Variants in SRD5A1 observed in about 807,000 individuals in gnomAD.
SRD5A1 encodes 3-oxo-5-alpha-steroid 4-dehydrogenase 1.
In SRD5A1, 22 loss-of-function variants were observed where a neutral mutation model predicts 28.2. The ratio of observed to expected loss-of-function variants is 0.78; its 90% CI spans 0.56 to 1.12. The LOEUF is 1.12. SRD5A1 is among the 50% of genes most tolerant of loss of function. The pLI, the probability that SRD5A1 is intolerant of heterozygous loss-of-function variation, is 0.00. For synonymous variants in SRD5A1, 151 were observed against 135.0 expected, an observed-to-expected ratio of 1.12 and a Z score of -0.82; for missense variants, 300 against 346.7, an observed-to-expected ratio of 0.87 and a Z score of 1.07.
In SRD5A1 at chr5:6,670,224, TAA is replaced by T. The variant is rs1489116933; in HGVS notation, c.*1958_*1959del. The T allele has an allele frequency of 6.6e-6, 1 of 152,072 alleles. No homozygotes were observed. The highest frequency in any genetic ancestry group is 2.4e-5 in the African/African-American group (1 of 41,376). The allele number at this position is 152,072 out of a possible 1,614,324, so 9.4% of individuals were successfully genotyped here. A position where few individuals can be genotyped will look rare whatever the true frequency, so the allele number is the denominator to read the frequency against. Reference sequence around the variant, plus strand: ...AGGTGTTGGCATCCCAGGAAAAAAATAAAGTCTCCACATTTTGGCCTATAGGG... The same window carrying T: ...AGGTGTTGGCATCCCAGGAAAAAAATAGTCTCCACATTTTGGCCTATAGGG... On this transcript the variant is annotated 3_prime_UTR_variant, in exon 5 of 5. Coordinates refer to ENST00000274192, the MANE Select transcript of SRD5A1 (RefSeq NM_001047.4).
chr5:6,655,792 G>C (rs1738814622), intron 2 of SRD5A1, among the ~76,000 whole-genome samples: 1 of 152,194 alleles, frequency 6.6e-6, no homozygotes, highest in African/African-American at 2.4e-5. Context: ...GTGTGCCCAA[G>C]TCAGATTTCT....
At chr5:6,640,177 GC>G (rs1738319203) in intron 1 of SRD5A1, among the ~76,000 whole-genome samples, 1 of 152,094 alleles carries the variant, frequency 6.6e-6, no homozygotes, top group Non-Finnish European at 1.5e-5. Flanking sequence ...ATGTTCTCTG[GC>G]CATGTCACCA....
intron 2 of SRD5A1, 65 bp from the exon 3 acceptor site, chr5:6,656,013 C>T (rs1738820393): frequency 6.7e-6 from 8 of 1,202,692 alleles, no homozygotes; most frequent in African/African-American, 3.0e-5. Flanking sequence ...TTCAGTCAGG[C>T]TGGGGCTCGT....
In SRD5A1 at chr5:6,670,090, A is replaced by G. The variant is rs1739315983; in HGVS notation, c.*1822A>G. ...CACCCCCACTCTCCAGGGAGAGCAC[A>G]GAGAGCCCAGAAATGAGCCATGTGC... On this transcript the variant is annotated 3_prime_UTR_variant, in exon 5 of 5. Coordinates refer to ENST00000274192, the MANE Select transcript of SRD5A1 (RefSeq NM_001047.4). 1 of 152,286 alleles carries G rather than the reference A, an allele frequency of 6.6e-6. No homozygotes were observed. The highest frequency in any genetic ancestry group is 2.4e-5 in the African/African-American group (1 of 41,458). The allele number at this position is 152,286 out of a possible 1,614,324, so 9.4% of individuals were successfully genotyped here. A position where few individuals can be genotyped will look rare whatever the true frequency, so the allele number is the denominator to read the frequency against.
chr5:6,655,472 C>A (rs537641369), intron 2 of SRD5A1, among the ~76,000 whole-genome samples: 1 of 152,146 alleles, frequency 6.6e-6, no homozygotes, highest in East Asian at 1.9e-4. Flanking sequence ...TGTCAAGAAC[C>A]GAGGAGGAAG....
chr5:6,652,130 C>A, intron 2 of SRD5A1, 122 bp downstream of exon 2: 1 of 1,161,680 alleles, frequency 8.6e-7, no homozygotes, highest in Non-Finnish European at 1.2e-6. Context: ...GAGAAAGCAG[C>A]AGCACCCCGG....
intron 1 of SRD5A1, among the ~76,000 whole-genome samples, chr5:6,644,061 T>A (rs770946991): frequency 3.3e-4 from 51 of 152,360 alleles, no homozygotes; most frequent in Non-Finnish European, 5.3e-4. Context: ...GATTCTGATA[T>A]GCCAGAGGGA....
Position 6,665,618 on chromosome 5 carries a change from T to C in SRD5A1, c.714-2584T>C, listed in dbSNP as rs564857970. ...CGGTGAAGATGCCATCCTTTTATATTCCTAATATTTGATGTGAAGAAGTGA... is the reference window on the plus strand; with the variant it reads ...CGGTGAAGATGCCATCCTTTTATATCCCTAATATTTGATGTGAAGAAGTGA... On this transcript the variant is annotated intron_variant, in intron 4 of 4. Coordinates refer to ENST00000274192, the MANE Select transcript of SRD5A1 (RefSeq NM_001047.4). Among the ~76,000 whole-genome samples, 4 of 152,228 alleles carry C rather than the reference T, an allele frequency of 2.6e-5. No individual in the cohort carries two copies. In the East Asian group the frequency reaches 5.8e-4, roughly 22 times the overall value.
At chr5:6,645,067 G>T (rs1738470179) in intron 1 of SRD5A1, 1 of 449,526 alleles carries the variant, frequency 2.2e-6, no homozygotes, top group African/African-American at 2.0e-5. Flanking sequence ...TAGGGGTCCT[G>T]GCCTGAATGA....
chr5:6,638,296 AG>A (rs1159273530), intron 1 of SRD5A1, among the ~76,000 whole-genome samples: 3 of 152,234 alleles, frequency 2.0e-5, no homozygotes, highest in Non-Finnish European at 4.4e-5. Flanking sequence ...CTGGGCAACA[AG>A]CACTAAACTC....
At chr5:6,644,999 C>T (rs1369631385) in intron 1 of SRD5A1, 6 of 455,884 alleles carry the variant, frequency 1.3e-5, no homozygotes, top group East Asian at 7.0e-5. Context: ...GACACAACAT[C>T]TGAATGCACA....
In SRD5A1 at chr5:6,651,990, G is replaced by A; in HGVS notation, c.442G>A (p.Asp148Asn). The change falls in exon 2 of 5, where the codon GAT (aspartate) becomes AAT (asparagine). Residue 148 changes from aspartate (D) to asparagine (N), a missense_variant. Physicochemically the swap from Asp to Asn is conservative, Grantham distance 23. Coordinates refer to ENST00000274192, the MANE Select transcript of SRD5A1 (RefSeq NM_001047.4). ...AGTGTATGCTGATGACTGGGTAACAGATCCCCGTTTTCTAATAGGTGAGTG... is the reference window on the plus strand; with the variant it reads ...AGTGTATGCTGATGACTGGGTAACAAATCCCCGTTTTCTAATAGGTGAGTG... The part of the protein sequence containing the change: ...CAVYADDWVT[D>N]PRFLIGFGLW... 2 of 1,613,266 alleles carry A rather than the reference G, an allele frequency of 1.2e-6. No homozygotes were observed. Among genetic ancestry groups the A allele is most frequent in the Non-Finnish European group, 1.7e-6 (2 of 1,179,408 alleles).
intron 1 of SRD5A1, among the ~76,000 whole-genome samples, chr5:6,634,895 C>G (rs999256035): frequency 6.6e-6 from 1 of 152,228 alleles, no homozygotes; most frequent in African/African-American, 2.4e-5. Flanking sequence ...CGTTTTCATT[C>G]AGGCTCTGGA....
At chr5:6,659,938 T>C (rs377151879) in intron 3 of SRD5A1, among the ~76,000 whole-genome samples, 1 of 152,162 alleles carries the variant, frequency 6.6e-6, no homozygotes, top group East Asian at 1.9e-4. Flanking sequence ...TGTGACACAT[T>C]GATGGTTTCT....
intron 1 of SRD5A1, 142 bp from the exon 2 acceptor site, chr5:6,651,700 T>G: frequency 2.5e-6 from 2 of 792,220 alleles, no homozygotes; most frequent in Non-Finnish European, 3.9e-6. Context: ...TTAGCTTAGA[T>G]ATAATAAATT....
chr5:6,655,652 GCACAGGAGCAT>G (rs1371010929), intron 2 of SRD5A1, among the ~76,000 whole-genome samples: 1 of 152,218 alleles, frequency 6.6e-6, no homozygotes, highest in African/African-American at 2.4e-5. Context: ...TGACAGAGCA[GCACAGGAGCAT>G]CACCCCTCCT....
At chr5:6,634,801 T>A (rs1347937954) in intron 1 of SRD5A1, among the ~76,000 whole-genome samples, 2 of 152,210 alleles carry the variant, frequency 1.3e-5, no homozygotes, top group Non-Finnish European at 2.9e-5. Context: ...TTCTAATAAG[T>A]TGGGGTTCTC....
At position 6,665,873 on chromosome 5, in the gene SRD5A1, A is replaced by C. The variant is rs1470962783; in HGVS notation, c.714-2329A>C. Among the ~76,000 whole-genome samples, 5 of 152,358 alleles carry C rather than the reference A, an allele frequency of 3.3e-5. No homozygotes were observed. In the South Asian group the frequency reaches 8.3e-4, roughly 25 times the overall value. The stretch of plus-strand genomic sequence containing the variant: ...TGAAAGTCTTTGCTAATGAAAACCC[A>C]AAGATAGTCTTTGCAGAAGAGTTCA... On this transcript the variant is annotated intron_variant, in intron 4 of 4. Transcript: ENST00000274192.
intron 1 of SRD5A1, among the ~76,000 whole-genome samples, chr5:6,634,571 C>T (rs1738116770): frequency 6.6e-6 from 1 of 152,118 alleles, no homozygotes. Flanking sequence ...CAACTGGAAA[C>T]CTGCTGTCCT....
Sources: allele counts gnomAD v4.1 joint callset (sites outside exome capture counted in the v4.1 genomes callset), GRCh38; gene constraint gnomAD v4.1.1; transcripts MANE v1.5; gene names NCBI Gene and HGNC (gene_info 2026-07-23, HGNC 2026-07-21).